PAX9: variants seen among roughly 807,000 people sequenced by gnomAD.
PAX9 encodes the protein paired box protein Pax-9.
PAX9 carries 6 observed loss-of-function variants against 29.1 expected under a neutral mutation model. The observed-to-expected ratio is 0.21, with a 90% CI of 0.11 to 0.41. The LOEUF is 0.41. Ranked by LOEUF, PAX9 falls within the 10% of genes least tolerant of loss-of-function variation. The probability of loss-of-function intolerance (pLI) is 1.00; values close to 1 mark genes in which losing one functional copy is unlikely to be tolerated. For missense variants in PAX9, 443 were observed against 479.1 expected (o/e 0.92, Z 0.70); for synonymous variants, 217 against 211.7 (o/e 1.03, Z -0.22).
At chr14:36,668,198 A>T (rs1489516605) in intron 3 of PAX9, among the ~76,000 whole-genome samples, 2 of 152,202 alleles carry the variant, frequency 1.3e-5, no homozygotes, top group Non-Finnish European at 2.9e-5. Context: ...AACAATAGAA[A>T]GAGTGTATAT....
At position 36,663,204 on chromosome 14, in the gene PAX9, C is replaced by T; in HGVS notation, c.312C>T (p.Asp104=). 1.2e-6 allele frequency: 2 copies of T among 1,614,082 alleles called. No individual in the cohort carries two copies. Among genetic ancestry groups the T allele is most frequent in the South Asian group, 1.1e-5 (1 of 91,080 alleles). ...DPGIFAWEIR[D]RLLADGVCDK... ...GCATCTTCGCCTGGGAGATCCGGGA[C>T]CGCCTGCTGGCGGACGGCGTGTGCG... Residue 104 remains aspartate (D), a synonymous_variant, in exon 2 of 4, where the codon GAC becomes GAT. Coordinates refer to ENST00000361487, the MANE Select transcript of PAX9 (RefSeq NM_001372076.1).
chr14:36,662,010 G>C lies in PAX9; in HGVS notation c.-80G>C. 1 of 1,542,216 alleles carries C rather than the reference G, an allele frequency of 6.5e-7. No homozygotes were observed. The highest frequency in any genetic ancestry group is 8.8e-7 in the Non-Finnish European group (1 of 1,139,520). ...CCGGCGGTCGGCCGGGATAGCAACA[G>C]GCCGGGCCACTGAGGCGGTGCGGAA... On this transcript the variant is annotated 5_prime_UTR_variant, in exon 1 of 4. Transcript: ENST00000361487.
intron 2 of PAX9, among the ~76,000 whole-genome samples, chr14:36,664,400 A>C (rs940773341): frequency 6.6e-6 from 1 of 151,946 alleles, no homozygotes; most frequent in South Asian, 2.1e-4. Context: ...GTGGATATCT[A>C]TCTAGTTCCT....
At chr14:36,662,173 A>AGCGCGAGGGC (rs939074337) in intron 1 of PAX9, 80 bp downstream of exon 1, 1 of 1,253,278 alleles carries the variant, frequency 8.0e-7, no homozygotes, top group Non-Finnish European at 1.1e-6. Flanking sequence ...GGAGGGAGGG[A>AGCGCGAGGGC]GCGCGAGGGC....
chr14:36,665,398 A>G (rs1881452233), intron 2 of PAX9, among the ~76,000 whole-genome samples: 1 of 152,198 alleles, frequency 6.6e-6, no homozygotes, highest in South Asian at 2.1e-4. Context: ...ACTCTTTTAA[A>G]GCACTGTGTT....
At position 36,676,474 on chromosome 14, in the gene PAX9, G is replaced by A; in HGVS notation, c.*22G>A. 6.2e-7 allele frequency: 1 copy of A among 1,609,174 alleles called. No homozygotes were observed. Among genetic ancestry groups the A allele is most frequent in the South Asian group, 1.1e-5 (1 of 91,056 alleles). On this transcript the variant is annotated 3_prime_UTR_variant, in exon 4 of 4. Transcript: ENST00000361487. ...CTGATGGGAAATTCCGTCTCCAGCA[G>A]CTTCACCCGGGTCTCCCTGTCTCAG...
In PAX9 at chr14:36,679,228, T is replaced by C. The variant is rs183106288; in HGVS notation, c.*2776T>C. ...TTTTTAATGACCCTTTTATTGAATA[T>C]TGGACTGAAATATAAATTTTAAAAA... On this transcript the variant is annotated 3_prime_UTR_variant, in exon 4 of 4. Transcript: ENST00000361487. The C allele has an allele frequency of 1.8e-4, 179 of 984,512 alleles. No homozygotes were observed. Among genetic ancestry groups the C allele is most frequent in the Admixed American group, 3.1e-4 (5 of 16,270 alleles). The allele number at this position is 984,512 out of a possible 1,614,324, so 61.0% of individuals were successfully genotyped here.
rs1882016697 is a variant in PAX9, at chr14:36,678,495, AATAGACT to A, written c.*2047_*2053del. 2 of 1,537,014 alleles carry A rather than the reference AATAGACT, an allele frequency of 1.3e-6. No homozygotes were observed. The highest frequency in any genetic ancestry group is 2.4e-5 in the South Asian group (2 of 84,050). On this transcript the variant is annotated 3_prime_UTR_variant, in exon 4 of 4. Transcript: ENST00000361487. ...TCTGGAGTTCCCAGTCTGGTGAGAA[AATAGACT>A]ATAAACTGAATGGAACAAAGATCCA...
upstream of PAX9, chr14:36,661,846 G>T (rs886050488): frequency 3.3e-6 from 2 of 597,018 alleles, no homozygotes; most frequent in Non-Finnish European, 6.0e-6. Context: ...AGACGGAGCC[G>T]CCCTGCCCTG....
chr14:36,674,388 A>AT (rs1594474320), intron 3 of PAX9, among the ~76,000 whole-genome samples: 1 of 152,300 alleles, frequency 6.6e-6, no homozygotes, highest in South Asian at 2.1e-4. Flanking sequence ...GGGGTGATAA[A>AT]TTTTTTTAAC....
At chr14:36,665,172 A>AAG (rs2139110990) in intron 2 of PAX9, among the ~76,000 whole-genome samples, 1 of 148,926 alleles carries the variant, frequency 6.7e-6, no homozygotes, top group African/African-American at 2.5e-5. Context: ...ATAGTGAAAA[A>AAG]AAAAAAAAAA....
rs3061562 is a variant in PAX9, at chr14:36,672,852, C to CTTTTTTTTTTTT, written c.772-3327_772-3316dup. ...TTCTTTTTTCTTTCTTTCTTTCTTC[C>CTTTTTTTTTTTT]TTTTTTTTTTTTTTTTTTTTTTTTT... On this transcript the variant is annotated intron_variant, in intron 3 of 3. Transcript: ENST00000361487. Among the ~76,000 whole-genome samples, 125 of 19,162 alleles carry CTTTTTTTTTTTT rather than the reference C, an allele frequency of 6.5e-3. 49 individuals are homozygous for CTTTTTTTTTTTT. Among genetic ancestry groups the CTTTTTTTTTTTT allele is most frequent in the East Asian group, 0.015 (6 of 408 alleles). 12.6% of individuals were successfully genotyped at this position (19,162 alleles called of 152,430 possible). A position where few individuals can be genotyped will look rare whatever the true frequency, so the allele number is the denominator to read the frequency against.
chr14:36,662,433 G>GAAAAC, intron 1 of PAX9: 1 of 416,958 alleles, frequency 2.4e-6, no homozygotes, highest in Non-Finnish European at 4.2e-6. Flanking sequence ...GAAAAGAAAA[G>GAAAAC]AAAACAAACA....
At chr14:36,661,237 G>T (rs1566465239), upstream of PAX9, among the ~76,000 whole-genome samples, 1 of 152,252 alleles carries the variant, frequency 6.6e-6, no homozygotes, top group Non-Finnish European at 1.5e-5. Flanking sequence ...CTGGACTGGG[G>T]GGTCGCCGCA....
chr14:36,663,844 C>G (rs896341414), intron 2 of PAX9, among the ~76,000 whole-genome samples: 1 of 152,204 alleles, frequency 6.6e-6, no homozygotes, highest in South Asian at 2.1e-4. Flanking sequence ...GGCTTGCTCA[C>G]TTGGAGAGTG....
intron 3 of PAX9, among the ~76,000 whole-genome samples, chr14:36,670,292 A>G (rs1881654076): frequency 1.3e-5 from 2 of 152,060 alleles, no homozygotes; most frequent in Non-Finnish European, 1.5e-5. Flanking sequence ...AACACTAGCT[A>G]CAGACTGAGA....
rs138507809 is a variant in PAX9, at chr14:36,678,912, C to T, written c.*2460C>T. On this transcript the variant is annotated 3_prime_UTR_variant, in exon 4 of 4. Transcript: ENST00000361487. ...TGATTTAAAGCCACTTTTTAAAATA[C>T]GAGAAGGAAAATAGGATGGATTAAA... The T allele has an allele frequency of 4.9e-5, 48 of 978,198 alleles. No homozygotes were observed. Among genetic ancestry groups the T allele is most frequent in the African/African-American group, 4.5e-4 (26 of 57,200 alleles). The allele number at this position is 978,198 out of a possible 1,614,324, so 60.6% of individuals were successfully genotyped here.
At chr14:36,661,612 T>C, upstream of PAX9, 1 of 207,050 alleles carries the variant, frequency 4.8e-6, no homozygotes. Flanking sequence ...TTCATTTGTT[T>C]ATTCAGCATT....
upstream of PAX9, among the ~76,000 whole-genome samples, chr14:36,659,599 G>C (rs1338221408): frequency 6.6e-6 from 1 of 152,206 alleles, no homozygotes; most frequent in Non-Finnish European, 1.5e-5. Flanking sequence ...GGCATGAGTG[G>C]GGCCTGCGGG....
Sources: allele counts gnomAD v4.1 joint callset (sites outside exome capture counted in the v4.1 genomes callset), GRCh38; gene constraint gnomAD v4.1.1; transcripts MANE v1.5; gene names NCBI Gene and HGNC (gene_info 2026-07-23, HGNC 2026-07-21).